Variants in KIF26B observed in about 807,000 individuals in gnomAD.
KIF26B encodes the protein kinesin family member 26B.
In KIF26B, 63 loss-of-function variants were observed where a neutral mutation model predicts 151.2. That is an observed-to-expected ratio of 0.42 (90% CI 0.34 to 0.51). The LOEUF is 0.51. Among genes scored for constraint, KIF26B ranks in the 20% least tolerant of loss-of-function variants. The pLI is 0.07. For missense variants in KIF26B, 2,813 were observed against 2,913.6 expected (o/e 0.97, Z 0.79); for synonymous variants, 1,357 against 1,262.1 (o/e 1.08, Z -1.59).
At chr1:245,485,153 G>A (rs532256549) in intron 4 of KIF26B, among the ~76,000 whole-genome samples, 1 of 152,274 alleles carries the variant, frequency 6.6e-6, no homozygotes, top group South Asian at 2.1e-4. Context: ...TTAAATAGGG[G>A]ACCTAGAATA....
intron 4 of KIF26B, among the ~76,000 whole-genome samples, chr1:245,465,391 G>A (rs1659762762): frequency 1.1e-5 from 1 of 93,830 alleles, no homozygotes; most frequent in East Asian, 2.7e-4. Context: ...CATCACCTAA[G>A]CTCGTGACCA....
At chr1:245,574,864 C>CTTTTTTTTTTTTTTTTTTTT (rs201010492) in intron 5 of KIF26B, among the ~76,000 whole-genome samples, 1 of 126,252 alleles carries the variant, frequency 7.9e-6, no homozygotes, top group Non-Finnish European at 1.7e-5. Context: ...TTTTTTTTTT[C>CTTTTTTTTTTTTTTTTTTTT]TTTTTTTTTT....
intron 4 of KIF26B, among the ~76,000 whole-genome samples, chr1:245,503,423 A>G (rs1469439546): frequency 6.6e-6 from 1 of 152,192 alleles, no homozygotes; most frequent in Non-Finnish European, 1.5e-5. Flanking sequence ...CAAATTCACC[A>G]TTTACATTCT....
At chr1:245,622,222 G>A (rs943255594) in intron 9 of KIF26B, among the ~76,000 whole-genome samples, 1 of 151,708 alleles carries the variant, frequency 6.6e-6, no homozygotes. Flanking sequence ...CCCCTTAAAG[G>A]GGTTTTACTG....
At chr1:245,635,829 A>C (rs2043829208) in intron 9 of KIF26B, among the ~76,000 whole-genome samples, 1 of 151,894 alleles carries the variant, frequency 6.6e-6, no homozygotes, top group Non-Finnish European at 1.5e-5. Context: ...TTGCATTTTC[A>C]TTTCTATTCA....
In KIF26B at chr1:245,705,449, C is replaced by G. The variant is rs2044828608; in HGVS notation, c.*2843C>G. 1 of 152,138 alleles carries G rather than the reference C, an allele frequency of 6.6e-6. No individual in the cohort carries two copies. Among genetic ancestry groups the G allele is most frequent in the South Asian group, 2.1e-4 (1 of 4,832 alleles). The allele number at this position is 152,138 out of a possible 1,614,324, so 9.4% of individuals were successfully genotyped here. ...CCGGCTGACCATTCTGAAGCAGTCC[C>G]AGTCACGGGAGGATGCCTTACCCAG... On this transcript the variant is annotated 3_prime_UTR_variant, in exon 15 of 15. Coordinates refer to ENST00000407071, the MANE Select transcript of KIF26B (RefSeq NM_018012.4).
Position 245,488,626 on chromosome 1 carries a change from C to G in KIF26B, c.1167-52141C>G, listed in dbSNP as rs934110851. ...GCCACAGATGCTATCACTCCTCTGCCGTGGCCCCATCCTCCTCTGTCTGGC... is the reference window on the plus strand; with the variant it reads ...GCCACAGATGCTATCACTCCTCTGCGGTGGCCCCATCCTCCTCTGTCTGGC... On this transcript the variant is annotated intron_variant, in intron 4 of 14. Coordinates refer to ENST00000407071, the MANE Select transcript of KIF26B (RefSeq NM_018012.4). The surrounding 1 kb of genome is among the most constrained non-coding windows in gnomAD (Gnocchi z 4.6). 6.6e-6 allele frequency among the ~76,000 whole-genome samples: 1 copy of G among 152,178 alleles called. No individual in the cohort carries two copies. Among genetic ancestry groups the G allele is most frequent in the Non-Finnish European group, 1.5e-5 (1 of 68,034 alleles).
At chr1:245,521,281 G>C (rs1466823152) in intron 4 of KIF26B, among the ~76,000 whole-genome samples, 3 of 151,564 alleles carry the variant, frequency 2.0e-5, no homozygotes, top group Non-Finnish European at 2.9e-5. Context: ...AGCTTGCAGT[G>C]AGCCGAGATC....
chr1:245,270,437 T>C (rs1670838747), intron 2 of KIF26B, among the ~76,000 whole-genome samples: 2 of 151,196 alleles, frequency 1.3e-5, no homozygotes, highest in Non-Finnish European at 1.5e-5. Context: ...CCTTTCTTTT[T>C]GTGTTTCTAT....
chr1:245,373,436 G>A (rs1439234056), intron 3 of KIF26B, among the ~76,000 whole-genome samples: 1 of 152,132 alleles, frequency 6.6e-6, no homozygotes, highest in African/African-American at 2.4e-5. Flanking sequence ...CTCAATACAG[G>A]GGCATTTGAA....
At chr1:245,479,045 C>T (rs1344816909) in intron 4 of KIF26B, among the ~76,000 whole-genome samples, 1 of 151,582 alleles carries the variant, frequency 6.6e-6, no homozygotes, top group African/African-American at 2.4e-5. Flanking sequence ...CTGAATGCAC[C>T]GAGGTGGAGA....
intron 4 of KIF26B, among the ~76,000 whole-genome samples, chr1:245,498,045 C>T (rs148299092): frequency 3.3e-5 from 5 of 152,318 alleles, no homozygotes; most frequent in Non-Finnish European, 7.4e-5. Context: ...TCATCTCAAA[C>T]TCCATATGTA....
Position 245,564,393 on chromosome 1 carries a change from C to T in KIF26B, c.1350+23443C>T, listed in dbSNP as rs947736289. On this transcript the variant is annotated intron_variant, in intron 5 of 14. Coordinates refer to ENST00000407071, the MANE Select transcript of KIF26B (RefSeq NM_018012.4). This position sits in a 1 kb window ranked among gnomAD's most constrained non-coding sequence, Gnocchi z 4.6. ...CTTTCCCGGAGCAGGAACGGGGCCA[C>T]GGCCGTGTTTGCATTTTCTGAACCC... is the stretch of plus-strand genomic sequence containing the variant. Among the ~76,000 whole-genome samples, 1 of 151,956 alleles carries T rather than the reference C, an allele frequency of 6.6e-6. No individual in the cohort carries two copies. The highest frequency in any genetic ancestry group is 1.5e-5 in the Non-Finnish European group (1 of 67,924).
intron 2 of KIF26B, among the ~76,000 whole-genome samples, chr1:245,364,251 G>A (rs1226600717): frequency 6.6e-6 from 1 of 152,084 alleles, no homozygotes; most frequent in African/African-American, 2.4e-5. Flanking sequence ...TCAAGGGAGA[G>A]GAGTAAAAAC....
chr1:245,173,452 G>GT (rs1299160587), intron 2 of KIF26B, among the ~76,000 whole-genome samples: 2 of 152,198 alleles, frequency 1.3e-5, no homozygotes, highest in Non-Finnish European at 2.9e-5. Flanking sequence ...TGGTCGCCCA[G>GT]TGACGGCTCA....
In KIF26B at chr1:245,268,818, C is replaced by A. The variant is rs80323858; in HGVS notation, c.466-98016C>A. 6.4e-3 allele frequency among the ~76,000 whole-genome samples: 974 copies of A among 152,178 alleles called. 10 individuals carry two copies. The East Asian group carries it at 0.068, about 11-fold the overall frequency. ...CTTTCTGAGCCAACATTAAGGTGAC[C>A]AAACATCCTGGTTTGCATGGGACAC... On this transcript the variant is annotated intron_variant, in intron 2 of 14. Coordinates refer to ENST00000407071, the MANE Select transcript of KIF26B (RefSeq NM_018012.4).
chr1:245,227,431 C>T lies in KIF26B; in HGVS notation c.465+70748C>T, dbSNP rs538467529. On this transcript the variant is annotated intron_variant, in intron 2 of 14. Coordinates refer to ENST00000407071, the MANE Select transcript of KIF26B (RefSeq NM_018012.4). The surrounding 1 kb of genome is among the most constrained non-coding windows in gnomAD (Gnocchi z 4.1). ...CATCTGGGCCTAAGGCTGCGGCCTCCGTCCTCTTCGCCATCATTGGCCTCT... is the reference window on the plus strand; with the variant it reads ...CATCTGGGCCTAAGGCTGCGGCCTCTGTCCTCTTCGCCATCATTGGCCTCT... 5.3e-5 allele frequency among the ~76,000 whole-genome samples: 8 copies of T among 152,332 alleles called. No homozygotes were observed. In the South Asian group the frequency reaches 6.2e-4, roughly 12 times the overall value.
chr1:245,231,231 T>G (rs1438028643), intron 2 of KIF26B, among the ~76,000 whole-genome samples: 2 of 152,116 alleles, frequency 1.3e-5, no homozygotes, highest in Non-Finnish European at 2.9e-5. Context: ...AACTACAATC[T>G]AGGCTGGGCG....
intron 2 of KIF26B, among the ~76,000 whole-genome samples, chr1:245,302,460 A>T (rs1671442220): frequency 6.6e-6 from 1 of 152,178 alleles, no homozygotes; most frequent in South Asian, 2.1e-4. Flanking sequence ...ATGCAACCAA[A>T]ATTGGACATT....
Sources: gnomAD v4.1 joint callset for allele counts (sites outside exome capture counted in the v4.1 genomes callset) on GRCh38, gnomAD v4.1.1 for gene constraint, Gnocchi (gnomAD v3.1) non-coding constraint, MANE v1.5 for transcripts, NCBI Gene and HGNC (gene_info 2026-07-23, HGNC 2026-07-21) for gene names.